Variants in CHADL observed in about 807,000 individuals in gnomAD.
The protein encoded by CHADL is chondroadherin like.
CHADL carries 48 observed loss-of-function variants against 52.1 expected under a neutral mutation model. The observed-to-expected ratio is 0.92, with a 90% confidence interval of 0.73 to 1.17. CHADL has a LOEUF of 1.17. Among genes scored for constraint, CHADL ranks in the 50% most tolerant of loss-of-function variants. The pLI is 0.00. For missense variants in CHADL, 977 were observed against 1,035.1 expected, an observed-to-expected ratio of 0.94 and a Z score of 0.77; for synonymous variants, 498 against 511.2, an observed-to-expected ratio of 0.97 and a Z score of 0.35.
rs1393716367 is a variant in CHADL at position 41,238,394 on chromosome 22, C to T, written c.678G>A (p.Leu226=). The part of the protein sequence containing the change: ...NELQALPGPV[L]SQARGLARLE... ...GACGGGCCAGGCCGCGGGCCTGGGA[C>T]AAGACAGGCCCGGGCAGAGCCTGGA... The change falls in exon 3 of 6, where the codon TTG becomes TTA. Residue 226 remains leucine (L), a synonymous_variant. Transcript: ENST00000216241. This position sits in a 1 kb window ranked among gnomAD's most constrained non-coding sequence, Gnocchi z 4.9. 1.3e-6 allele frequency: 2 copies of T among 1,505,268 alleles called. No individual in the cohort carries two copies. Among genetic ancestry groups the T allele is most frequent in the Non-Finnish European group, 8.8e-7 (1 of 1,131,516 alleles). 93.2% of individuals were successfully genotyped at this position (1,505,268 alleles called of 1,614,324 possible).
At chr22:41,230,729 G>C (rs2032544056) in intron 5 of CHADL, 1 of 154,556 alleles carries the variant, frequency 6.5e-6, no homozygotes, top group African/African-American at 2.4e-5. Flanking sequence ...TGTGTGGTGG[G>C]GGCAGCCTCT....
intron 5 of CHADL, chr22:41,230,323 C>T (rs12484433): frequency 1.8e-6 from 2 of 1,121,548 alleles, no homozygotes; most frequent in Middle Eastern, 1.9e-4. Flanking sequence ...CACCATGCCT[C>T]CACCTGACTT....
At chr22:41,233,870 C>A (rs970481248) in intron 5 of CHADL, among the ~76,000 whole-genome samples, 1 of 152,208 alleles carries the variant, frequency 6.6e-6, no homozygotes, top group Non-Finnish European at 1.5e-5. Flanking sequence ...CCACTCTATT[C>A]TCACTTTCCC....
chr22:41,236,637 G>A lies in CHADL; in HGVS notation c.1910C>T (p.Ala637Val). The change falls in exon 4 of 6, where the codon GCC (alanine) becomes GTC (valine). Residue 637 changes from alanine to valine, a missense_variant. Physicochemically the swap from Ala to Val is moderately conservative, Grantham distance 64. Transcript: ENST00000216241. ...GAGCCCGGGCCCCAGGCCTGAAAAG[G>A]CCCCAGGACAAATCTGCAAGGAGTT... is the stretch of plus-strand genomic sequence containing the variant. ...SSGLEQICPG[A>V]FSGLGPGLQS... The A allele has an allele frequency of 2.6e-6, 4 of 1,549,154 alleles. No individual in the cohort carries two copies. The highest frequency in any genetic ancestry group is 2.4e-5 in the East Asian group (1 of 40,916).
intron 5 of CHADL, chr22:41,230,445 T>C: frequency 1.7e-6 from 1 of 582,116 alleles, no homozygotes; most frequent in Non-Finnish European, 3.1e-6. Flanking sequence ...TGCCCTCCCC[T>C]GTGGAAAGGT....
chr22:41,237,268 C>T lies in CHADL; in HGVS notation c.1804G>A (p.Gly602Ser). The change falls in exon 3 of 6, where the codon GGC becomes AGC. Residue 602 changes from glycine (G) to serine (S), a missense_variant. Transcript: ENST00000216241. Reference sequence around the variant, plus strand: ...TCACGCAAGGCCCTGAGTGGGTTGCCCGAGAGCTGCAGCTCCAGGAGGGCA... The same window carrying T: ...TCACGCAAGGCCCTGAGTGGGTTGCTCGAGAGCTGCAGCTCCAGGAGGGCA... The part of the protein sequence containing the change: ...LPALLELQLS[G>S]NPLRALRDGA... The T allele has an allele frequency of 1.3e-6, 2 of 1,550,578 alleles. No individual in the cohort carries two copies. Among genetic ancestry groups the T allele is most frequent in the Admixed American group, 2.0e-5 (1 of 51,004 alleles).
In CHADL at chr22:41,235,268, C is replaced by T; in HGVS notation, c.2139G>A (p.Lys713=). 2 of 1,551,346 alleles carry T rather than the reference C, an allele frequency of 1.3e-6. No individual in the cohort carries two copies. The highest frequency in any genetic ancestry group is 1.4e-5 in the African/African-American group (1 of 73,188). ...AGTCTTCAAAGACAGCAGCTGCAGC[C>T]TTCACCCTCTGGCCACGGGCATTGG... ...TPPNARGQRV[K]AAAAVFEDCP... The change falls in exon 5 of 6, where the codon AAG becomes AAA. Residue 713 remains lysine, a synonymous_variant. Transcript: ENST00000216241.
rs962249409 is a variant in CHADL, at chr22:41,232,828, G to A, written c.2262+2317C>T. ...TCCGCTTCTACATGAGCCTCCCGGGGCTGACGCAGGGAGAAAGCACTGCTG... is the reference window on the plus strand; with the variant it reads ...TCCGCTTCTACATGAGCCTCCCGGGACTGACGCAGGGAGAAAGCACTGCTG... On this transcript the variant is annotated intron_variant, in intron 5 of 5. Transcript: ENST00000216241. Among the ~76,000 whole-genome samples the A allele has an allele frequency of 3.3e-5, 5 of 152,088 alleles. No individual in the cohort carries two copies. In the East Asian group the frequency reaches 9.6e-4, roughly 29 times the overall value.
At chr22:41,232,202 G>T (rs1276870634) in intron 5 of CHADL, among the ~76,000 whole-genome samples, 1 of 151,924 alleles carries the variant, frequency 6.6e-6, no homozygotes, top group Non-Finnish European at 1.5e-5. Flanking sequence ...CGTGGTGGCA[G>T]TCACCTGTAA....
Position 41,229,558 on chromosome 22 carries a change from C to T in CHADL, c.*146G>A. On this transcript the variant is annotated 3_prime_UTR_variant, in exon 6 of 6. Coordinates refer to ENST00000216241, the MANE Select transcript of CHADL (RefSeq NM_138481.2). ...TTCAAAGGGAAAAGAATCCCGCCCA[C>T]TAAGACGCGACCCCTCAGACAGGGG... The T allele has an allele frequency of 6.2e-7, 1 of 1,612,082 alleles. No individual in the cohort carries two copies. The highest frequency in any genetic ancestry group is 8.5e-7 in the Non-Finnish European group (1 of 1,178,376).
intron 5 of CHADL, chr22:41,230,390 C>T (rs2032519544): frequency 2.5e-5 from 17 of 670,182 alleles, no homozygotes; most frequent in East Asian, 8.2e-5. Flanking sequence ...GAAGGCTGGA[C>T]GGTGGAGGAC....
chr22:41,236,370 CT>C (rs2032739678), intron 4 of CHADL, 113 bp downstream of exon 4: 1 of 945,508 alleles, frequency 1.1e-6, no homozygotes, highest in South Asian at 1.6e-5. Flanking sequence ...GGACCCGCCC[CT>C]CCCCACAAGC....
chr22:41,229,989 G>A (rs2032473509), intron 5 of CHADL: 1 of 688,732 alleles, frequency 1.5e-6, no homozygotes, highest in Admixed American at 2.5e-5. Flanking sequence ...CTTTGCTGCT[G>A]CCACTGCCCT....
chr22:41,236,241 G>A (rs2084048521), intron 4 of CHADL, among the ~76,000 whole-genome samples: 1 of 152,236 alleles, frequency 6.6e-6, no homozygotes, highest in Non-Finnish European at 1.5e-5. Context: ...CCGCTAGGCA[G>A]AGCAGATACC....
At chr22:41,232,348 A>G (rs139490) in intron 5 of CHADL, among the ~76,000 whole-genome samples, 2 of 145,020 alleles carry the variant, frequency 1.4e-5, no homozygotes, top group African/African-American at 5.3e-5. Flanking sequence ...AAAAAAAAAA[A>G]TTTACACCTG....
chr22:41,230,093 CAGAG>C, intron 5 of CHADL: 7 of 965,760 alleles, frequency 7.2e-6, no homozygotes, highest in South Asian at 5.9e-5. Flanking sequence ...CCACCCCTCC[CAGAG>C]TTATTTACTC....
In CHADL at chr22:41,238,931, CG is replaced by C; in HGVS notation, c.187-47del. ...GTGGGGCTGAGCCAGGCAGGGACCC[CG>C]CCTTTGCAAGTGCTGCTTCTTCCCC... On this transcript the variant is annotated intron_variant, in intron 2 of 5. Transcript: ENST00000216241. The surrounding 1 kb of genome is among the most constrained non-coding windows in gnomAD (Gnocchi z 4.9). The C allele has an allele frequency of 1.3e-6, 2 of 1,482,864 alleles. No homozygotes were observed. The highest frequency in any genetic ancestry group is 9.0e-7 in the Non-Finnish European group (1 of 1,111,724). 91.9% of individuals were successfully genotyped at this position (1,482,864 alleles called of 1,614,324 possible).
rs948585139 is a variant in CHADL at position 41,238,643 on chromosome 22, C to G, written c.429G>C (p.Gly143=). The change falls in exon 3 of 6, where the codon GGG becomes GGC. Residue 143 remains glycine (G), a synonymous_variant. Transcript: ENST00000216241. This position sits in a 1 kb window ranked among gnomAD's most constrained non-coding sequence, Gnocchi z 4.9. ...CCGGCCGCAGCTCCTCCAGTGCGTT[C>G]CCCTCCAGCTCCAGCCGCCGCAACG... is the stretch of plus-strand genomic sequence containing the variant. The part of the protein sequence containing the change: ...LGSLRRLELE[G]NALEELRPGT... 4 of 1,544,286 alleles carry G rather than the reference C, an allele frequency of 2.6e-6. No individual in the cohort carries two copies. Among genetic ancestry groups the G allele is most frequent in the Non-Finnish European group, 3.5e-6 (4 of 1,146,204 alleles).
chr22:41,236,746 A>C, intron 3 of CHADL, 96 bp from the exon 4 acceptor site: 1 of 1,251,784 alleles, frequency 8.0e-7, no homozygotes, highest in South Asian at 1.5e-5. Context: ...GCAGAAGAGA[A>C]GCTGGAGAGC....
Sources: gnomAD v4.1 joint callset for allele counts (sites outside exome capture counted in the v4.1 genomes callset) on GRCh38, gnomAD v4.1.1 for gene constraint, Gnocchi (gnomAD v3.1) non-coding constraint, MANE v1.5 for transcripts, NCBI Gene and HGNC (gene_info 2026-07-23, HGNC 2026-07-21) for gene names.